Variants in GDAP1 observed in about 807,000 individuals in gnomAD.
GDAP1 encodes ganglioside induced differentiation associated protein 1.
GDAP1 carries 34 observed loss-of-function variants against 40.1 expected under a neutral mutation model. The observed-to-expected ratio is 0.85, with a 90% CI of 0.64 to 1.13. GDAP1 has a LOEUF of 1.13. GDAP1 is among the 50% of genes most tolerant of loss of function. The pLI is 0.00. For synonymous variants in GDAP1, 170 were observed against 157.4 expected, an observed-to-expected ratio of 1.08 and a Z score of -0.60; for missense variants, 374 against 433.7, an observed-to-expected ratio of 0.86 and a Z score of 1.22.
Position 74,350,440 on chromosome 8 carries a change from A to AC in GDAP1, c.-19dup, listed in dbSNP as rs1372703714. 1.4e-6 allele frequency: 2 copies of AC among 1,453,992 alleles called. No homozygotes were observed. Among genetic ancestry groups the AC allele is most frequent in the African/African-American group, 2.8e-5 (2 of 71,952 alleles). 90.1% of individuals were successfully genotyped at this position (1,453,992 alleles called of 1,614,324 possible). ...AGTCCAGGGCGGACAGGCTGGGCGC[A>AC]CCCGTGCTCGCGCACCCCAAGATGG... On this transcript the variant is annotated 5_prime_UTR_variant, in exon 1 of 6. Coordinates refer to ENST00000220822, the MANE Select transcript of GDAP1 (RefSeq NM_018972.4).
intron 2 of GDAP1, among the ~76,000 whole-genome samples, chr8:74,380,906 C>T (rs1809942051): frequency 6.6e-6 from 1 of 152,312 alleles, no homozygotes; most frequent in African/African-American, 2.4e-5. Context: ...AATTCAATCT[C>T]TTCCCTATTG....
At chr8:74,480,958 TG>T (rs1329031173) in intron 2 of GDAP1, among the ~76,000 whole-genome samples, 1 of 152,190 alleles carries the variant, frequency 6.6e-6, no homozygotes, top group African/African-American at 2.4e-5. Context: ...AAAGCATTGT[TG>T]GGGGTCTTAG....
intron 2 of GDAP1, among the ~76,000 whole-genome samples, chr8:74,481,352 G>A (rs749860132): frequency 1.1e-4 from 16 of 152,200 alleles, no homozygotes; most frequent in Non-Finnish European, 1.9e-4. Context: ...TGCAGTAATG[G>A]CATCTACAAA....
rs1256234610 is a variant in GDAP1 at position 74,400,810 on chromosome 8, G to T, written c.165+49489G>T. Among the ~76,000 whole-genome samples the T allele has an allele frequency of 2.0e-5, 3 of 149,074 alleles. 1 individual carries two copies. Among genetic ancestry groups the T allele is most frequent in the African/African-American group, 7.8e-5 (3 of 38,588 alleles). ...AGGATTTTATTTCTCCTTCACTTAT[G>T]AAGCTTAGTTTGGCTGGATATGAAA... On this transcript the variant is annotated intron_variant, in intron 2 of 2. Transcript: ENST00000523640.
Position 74,360,104 on chromosome 8 carries a change from T to G in GDAP1, c.311-33T>G, listed in dbSNP as rs199878608. The G allele has an allele frequency of 8.2e-5, 128 of 1,558,110 alleles. 3 individuals are homozygous for G. The Middle Eastern group carries it at 5.5e-3, about 67-fold the overall frequency. On this transcript the variant is annotated intron_variant, in intron 2 of 5. Coordinates refer to ENST00000220822, the MANE Select transcript of GDAP1 (RefSeq NM_018972.4). ...TTGAGTGTAACAACTCATGTGTAAC[T>G]TTTTCTTCAATATTTGTGTGTGTGT...
rs1265046777 is a variant in GDAP1 at position 74,361,175 on chromosome 8, T to G, written c.485-709T>G. 7.2e-5 allele frequency among the ~76,000 whole-genome samples: 11 copies of G among 152,132 alleles called. 1 individual carries two copies. The highest frequency in any genetic ancestry group is 1.6e-4 in the Non-Finnish European group (11 of 68,022). Reference sequence around the variant, plus strand: ...TCTTCATAAATACCCTTTATAGTATTTGAAACAAGAGTTTTGACTATAATT... The same window carrying G: ...TCTTCATAAATACCCTTTATAGTATGTGAAACAAGAGTTTTGACTATAATT... On this transcript the variant is annotated intron_variant, in intron 3 of 5. Transcript: ENST00000220822.
chr8:74,395,491 G>T (rs1229079941), intron 2 of GDAP1, among the ~76,000 whole-genome samples: 1 of 152,136 alleles, frequency 6.6e-6, no homozygotes, highest in East Asian at 1.9e-4. Context: ...TTGTATAAAA[G>T]ACAACTTCAT....
intron 2 of GDAP1, among the ~76,000 whole-genome samples, chr8:74,372,208 G>A: frequency 6.6e-6 from 1 of 152,158 alleles, no homozygotes; most frequent in Non-Finnish European, 1.5e-5. Context: ...TTGGTATTGT[G>A]AATAGTGCCG....
intron 2 of GDAP1, among the ~76,000 whole-genome samples, chr8:74,417,994 CTA>C (rs1368313303): frequency 2.6e-5 from 4 of 152,022 alleles, no homozygotes; most frequent in African/African-American, 9.7e-5. Context: ...GTACTGGGAT[CTA>C]TATATTGAAA....
intron 2 of GDAP1, among the ~76,000 whole-genome samples, chr8:74,416,525 A>G (rs1805781329): frequency 6.7e-6 from 1 of 150,272 alleles, no homozygotes; most frequent in Admixed American, 6.6e-5. Context: ...TTCTGTCCAC[A>G]TGACTAGTTC....
intron 2 of GDAP1, among the ~76,000 whole-genome samples, chr8:74,417,227 C>T (rs1287350184): frequency 6.7e-6 from 1 of 149,872 alleles, no homozygotes; most frequent in East Asian, 1.9e-4. Context: ...AAACTCTCAG[C>T]TTACATAGAA....
At chr8:74,481,569 C>A (rs1459667878) in intron 2 of GDAP1, among the ~76,000 whole-genome samples, 1 of 152,188 alleles carries the variant, frequency 6.6e-6, no homozygotes, top group East Asian at 1.9e-4. Flanking sequence ...TGAATTGCTG[C>A]TCTCCAGACA....
intron 2 of GDAP1, among the ~76,000 whole-genome samples, chr8:74,408,582 G>A (rs1438431609): frequency 6.7e-6 from 1 of 149,890 alleles, no homozygotes; most frequent in Non-Finnish European, 1.5e-5. Context: ...CCAGATACTG[G>A]ATTTGTCAGT....
At chr8:74,432,354 GTCATTCAC>G (rs1422114389) in intron 2 of GDAP1, among the ~76,000 whole-genome samples, 2 of 151,668 alleles carry the variant, frequency 1.3e-5, no homozygotes, top group Admixed American at 6.6e-5. Context: ...TTTTTTTCTG[GTCATTCAC>G]TCATTCTAAC....
intron 2 of GDAP1, among the ~76,000 whole-genome samples, chr8:74,352,880 G>T (rs938509396): frequency 6.6e-5 from 10 of 152,038 alleles, no homozygotes; most frequent in Non-Finnish European, 1.5e-4. Flanking sequence ...TATTTTAAAT[G>T]ATCAAAAACT....
At chr8:74,422,633 C>T (rs1350257365) in intron 2 of GDAP1, among the ~76,000 whole-genome samples, 1 of 151,484 alleles carries the variant, frequency 6.6e-6, no homozygotes, top group Non-Finnish European at 1.5e-5. Context: ...GCACTTTCCC[C>T]CAAGGTCTTT....
In GDAP1 at chr8:74,360,128, G is replaced by A; in HGVS notation, c.311-9G>A. On this transcript the variant is annotated splice_polypyrimidine_tract_variant and intron_variant, in intron 2 of 5. Coordinates refer to ENST00000220822, the MANE Select transcript of GDAP1 (RefSeq NM_018972.4). The stretch of plus-strand genomic sequence containing the variant: ...CTTTTTCTTCAATATTTGTGTGTGT[G>A]TATTTTAGAAAGAACACCCAGGTTA... The A allele has an allele frequency of 1.2e-6, 2 of 1,604,666 alleles. No homozygotes were observed. Among genetic ancestry groups the A allele is most frequent in the Non-Finnish European group, 1.7e-6 (2 of 1,171,444 alleles).
At chr8:74,397,196 TG>T (rs200117731) in intron 2 of GDAP1, among the ~76,000 whole-genome samples, 4 of 94,878 alleles carry the variant, frequency 4.2e-5, no homozygotes, top group African/African-American at 5.0e-5. Context: ...CGCTTTTTGA[TG>T]GGTTTTTTTT....
chr8:74,412,045 C>T (rs2131554312), intron 2 of GDAP1, among the ~76,000 whole-genome samples: 1 of 149,818 alleles, frequency 6.7e-6, no homozygotes, highest in East Asian at 1.9e-4. Context: ...TTGAAAATGT[C>T]TTTAAAAATT....
Sources: gnomAD v4.1 joint callset for allele counts (sites outside exome capture counted in the v4.1 genomes callset) on GRCh38, gnomAD v4.1.1 for gene constraint, MANE v1.5 for transcripts, NCBI Gene and HGNC (gene_info 2026-07-23, HGNC 2026-07-21) for gene names.